The following GAS7 variants were observed in gnomAD, a reference collection of about 807,000 sequenced individuals.
The protein encoded by GAS7 is growth arrest-specific protein 7.
In GAS7, 28 loss-of-function variants were observed where a neutral mutation model predicts 71.1. That is an observed-to-expected ratio of 0.39 (90% CI 0.29 to 0.54). The LOEUF (loss-of-function observed/expected upper bound fraction) is 0.54. GAS7 is among the 20% of genes least tolerant of loss of function. The pLI is 0.62. For missense variants in GAS7, 436 were observed against 627.8 expected (o/e 0.69, Z 3.27); for synonymous variants, 258 against 245.8 (o/e 1.05, Z -0.46).
Position 10,148,909 on chromosome 17 carries a change from C to CAAAAAAAAA in GAS7, c.183+49290_183+49298dup, listed in dbSNP as rs752140645. 7.7e-5 allele frequency among the ~76,000 whole-genome samples: 9 copies of CAAAAAAAAA among 117,308 alleles called. 2 individuals carry two copies. Among genetic ancestry groups the CAAAAAAAAA allele is most frequent in the African/African-American group, 9.7e-5 (3 of 30,928 alleles). The allele number at this position is 117,308 out of a possible 152,430, so 77.0% of individuals were successfully genotyped here. A position where few individuals can be genotyped will look rare whatever the true frequency, so the allele number is the denominator to read the frequency against. On this transcript the variant is annotated intron_variant, in intron 1 of 13. Coordinates refer to ENST00000432992, the MANE Select transcript of GAS7 (RefSeq NM_201433.2). ...TGGGCGACAGAGAAAGACTCCGCCT[C>CAAAAAAAAA]AAAAAAAAAAAAAAAAAGAATCCTC...
chr17:10,168,625 T>G (rs983126796), intron 1 of GAS7, among the ~76,000 whole-genome samples: 1 of 152,180 alleles, frequency 6.6e-6, no homozygotes, highest in Non-Finnish European at 1.5e-5. Context: ...CAGGGTGATA[T>G]TGCCCCTAGT....
Position 9,967,614 on chromosome 17 carries a change from C to CTTTT in GAS7, c.471+2059_471+2062dup, listed in dbSNP as rs55673577. Among the ~76,000 whole-genome samples the CTTTT allele has an allele frequency of 6.0e-3, 901 of 150,918 alleles. 6 individuals are homozygous for CTTTT. The highest frequency in any genetic ancestry group is 0.018 in the African/African-American group (739 of 41,116). On this transcript the variant is annotated intron_variant, in intron 4 of 13. Coordinates refer to ENST00000432992, the MANE Select transcript of GAS7 (RefSeq NM_201433.2). Reference sequence around the variant, plus strand: ...GACTATATATGCAATGTGTGTCCTACTTTTTTTTTACTCTATTTTATGTTG... The same window carrying CTTTT: ...GACTATATATGCAATGTGTGTCCTACTTTTTTTTTTTTTACTCTATTTTATGTTG...
In GAS7 at chr17:10,014,047, A is replaced by C. The variant is rs531789504; in HGVS notation, c.304+5730T>G. 1.8e-4 allele frequency among the ~76,000 whole-genome samples: 28 copies of C among 152,256 alleles called. No individual in the cohort carries two copies. In the South Asian group the frequency reaches 5.4e-3, roughly 29 times the overall value. ...CCCATCTCTAGCTCAGAAGTCCTCT[A>C]AGTCACACCGTAGCCATCCAAATGC... On this transcript the variant is annotated intron_variant, in intron 2 of 13. Coordinates refer to ENST00000432992, the MANE Select transcript of GAS7 (RefSeq NM_201433.2).
chr17:9,967,799 G>A lies in GAS7; in HGVS notation c.471+1878C>T, dbSNP rs1215803370. 3.3e-5 allele frequency among the ~76,000 whole-genome samples: 5 copies of A among 152,268 alleles called. No individual in the cohort carries two copies. The East Asian group carries it at 9.7e-4, about 29-fold the overall frequency. On this transcript the variant is annotated intron_variant, in intron 4 of 13. Coordinates refer to ENST00000432992, the MANE Select transcript of GAS7 (RefSeq NM_201433.2). ...TGTTATGGTGCTGTAAATAATGTGT[G>A]AGTGAATAGCCTTGCACATAAATCA...
At chr17:10,164,695 AAAG>A (rs892320119) in intron 1 of GAS7, among the ~76,000 whole-genome samples, 8 of 151,848 alleles carry the variant, frequency 5.3e-5, no homozygotes, top group Middle Eastern at 3.2e-3. Context: ...ATGAAAAAAA[AAAG>A]AAAAGAAAAA....
At chr17:10,102,751 G>GT (rs142011191) in intron 1 of GAS7, among the ~76,000 whole-genome samples, 13,759 of 144,476 alleles carry the variant, frequency 0.095, 735 homozygotes, top group African/African-American at 0.14. Flanking sequence ...CCCAGGCCCT[G>GT]TTTTTTTTTT....
chr17:10,117,634 T>C (rs2073872047), intron 1 of GAS7, among the ~76,000 whole-genome samples: 1 of 152,120 alleles, frequency 6.6e-6, no homozygotes, highest in African/African-American at 2.4e-5. Context: ...ACTGTAGGGC[T>C]TCCGCGTCTT....
chr17:10,184,375 T>G (rs1399850617), intron 1 of GAS7, among the ~76,000 whole-genome samples: 1 of 152,246 alleles, frequency 6.6e-6, no homozygotes, highest in Non-Finnish European at 1.5e-5. Context: ...TGTCCTCGGA[T>G]TAAATATACT....
rs2068666184 is a variant in GAS7 at position 9,943,127 on chromosome 17, C to T, written c.725G>A (p.Arg242Gln). 4.4e-6 allele frequency: 7 copies of T among 1,603,226 alleles called. No homozygotes were observed. Among genetic ancestry groups the T allele is most frequent in the Admixed American group, 1.7e-5 (1 of 60,004 alleles). ...QMQKEMSEFI[R>Q]ERIKIEEDYA... ...GGAGGGGCCCAGGCTTCACCTTTCC[C>T]GGATGAATTCTGACATTTCCTTCTG... Residue 242 changes from arginine to glutamine, a missense_variant, in exon 7 of 14, where the codon CGG becomes CAG. Transcript: ENST00000432992.
Position 10,103,280 on chromosome 17 carries a change from G to A in GAS7, c.184-83383C>T, listed in dbSNP as rs951167040. Among the ~76,000 whole-genome samples, 1 of 152,022 alleles carries A rather than the reference G, an allele frequency of 6.6e-6. No individual in the cohort carries two copies. Among genetic ancestry groups the A allele is most frequent in the Non-Finnish European group, 1.5e-5 (1 of 67,988 alleles). ...AATCACCTGAGCCTGGGGAGTAGAG[G>A]CTGCAGTGAGAGCTGTGACTGTAAC... is the stretch of plus-strand genomic sequence containing the variant. On this transcript the variant is annotated intron_variant, in intron 1 of 13. Transcript: ENST00000432992. This position sits in a 1 kb window ranked among gnomAD's most constrained non-coding sequence, Gnocchi z 5.5.
intron 7 of GAS7, among the ~76,000 whole-genome samples, chr17:9,941,919 C>T (rs1363554208): frequency 3.3e-5 from 5 of 152,022 alleles, no homozygotes; most frequent in South Asian, 4.2e-4. Flanking sequence ...TTCAAAACGC[C>T]GAAGCATTAT....
At chr17:10,051,807 C>A (rs1008570313) in intron 1 of GAS7, among the ~76,000 whole-genome samples, 1 of 152,118 alleles carries the variant, frequency 6.6e-6, no homozygotes, top group Non-Finnish European at 1.5e-5. Flanking sequence ...CTCAAGCTCC[C>A]AAAAATGAGA....
At chr17:10,146,130 T>C (rs775278790) in intron 1 of GAS7, among the ~76,000 whole-genome samples, 1 of 152,164 alleles carries the variant, frequency 6.6e-6, no homozygotes, top group African/African-American at 2.4e-5. Context: ...GGGGTAAAAC[T>C]GTCCACATCG....
intron 1 of GAS7, among the ~76,000 whole-genome samples, chr17:10,093,671 C>T (rs376584868): frequency 6.6e-6 from 1 of 151,824 alleles, no homozygotes; most frequent in Non-Finnish European, 1.5e-5. Context: ...TGCAATCCTA[C>T]GAACAGTTGT....
At chr17:10,108,955 C>G (rs369817387) in intron 1 of GAS7, among the ~76,000 whole-genome samples, 1 of 151,842 alleles carries the variant, frequency 6.6e-6, no homozygotes, top group Non-Finnish European at 1.5e-5. Flanking sequence ...ACAACAAAAC[C>G]AAAAATAGAC....
intron 1 of GAS7, among the ~76,000 whole-genome samples, chr17:10,073,011 C>T (rs565841620): frequency 2.0e-5 from 3 of 152,096 alleles, no homozygotes; most frequent in East Asian, 1.9e-4. Context: ...GCAGGTGGCA[C>T]GATGGAAATA....
At chr17:9,955,888 A>AC (rs1396564967) in intron 5 of GAS7, among the ~76,000 whole-genome samples, 1 of 151,770 alleles carries the variant, frequency 6.6e-6, no homozygotes, top group African/African-American at 2.4e-5. Flanking sequence ...ATGGAGTGAC[A>AC]CCCCCATCGC....
chr17:10,053,659 G>GA (rs1490530107), intron 1 of GAS7, among the ~76,000 whole-genome samples: 3 of 152,132 alleles, frequency 2.0e-5, no homozygotes, highest in East Asian at 3.9e-4. Context: ...GAATCGTCTA[G>GA]AAAAAACGGG....
At chr17:9,982,824 G>GGAAAGAAAGGAAAGAAAGAAAGAAA (rs1555611352) in intron 2 of GAS7, among the ~76,000 whole-genome samples, 10 of 116,182 alleles carry the variant, frequency 8.6e-5, no homozygotes, top group African/African-American at 3.6e-4. Context: ...AGGAAAGAAA[G>GGAAAGAAAGGAAAGAAAGAAAGAAA]GAAAGAAAGA....
Sources: allele counts gnomAD v4.1 joint callset (sites outside exome capture counted in the v4.1 genomes callset), GRCh38; gene constraint gnomAD v4.1.1; non-coding constraint Gnocchi (gnomAD v3.1); transcripts MANE v1.5; gene names NCBI Gene and HGNC (gene_info 2026-07-23, HGNC 2026-07-21).